ADAMTS3: variants seen among roughly 807,000 people sequenced by gnomAD.
ADAMTS3 encodes A disintegrin and metalloproteinase with thrombospondin motifs 3.
In ADAMTS3, 73 loss-of-function variants were observed where a neutral mutation model predicts 129.0. The observed-to-expected ratio is 0.57, with a 90% CI of 0.47 to 0.69. ADAMTS3 has a LOEUF of 0.69. Among genes scored for constraint, ADAMTS3 ranks in the 30% least tolerant of loss-of-function variants. ADAMTS3 has a pLI of 0.00. For missense variants in ADAMTS3, 1,457 were observed against 1,514.5 expected, an observed-to-expected ratio of 0.96 and a Z score of 0.63; for synonymous variants, 477 against 510.8, an observed-to-expected ratio of 0.93 and a Z score of 0.89.
At chr4:72,460,192 T>A (rs1578700657) in intron 3 of ADAMTS3, among the ~76,000 whole-genome samples, 1 of 151,604 alleles carries the variant, frequency 6.6e-6, no homozygotes, top group Admixed American at 6.6e-5. Context: ...GATTTGTTCA[T>A]TCTAAATAAG....
intron 3 of ADAMTS3, among the ~76,000 whole-genome samples, chr4:72,524,076 C>T (rs1720744329): frequency 6.6e-6 from 1 of 152,096 alleles, no homozygotes; most frequent in African/African-American, 2.4e-5. Context: ...TTTTGTTTAG[C>T]TCATATACTT....
At chr4:72,401,880 T>G (rs934898508) in intron 4 of ADAMTS3, among the ~76,000 whole-genome samples, 1 of 152,172 alleles carries the variant, frequency 6.6e-6, no homozygotes, top group Non-Finnish European at 1.5e-5. Flanking sequence ...ACTGATAGGT[T>G]AAGTAACTTG....
intron 5 of ADAMTS3, among the ~76,000 whole-genome samples, chr4:72,337,115 G>T (rs1048508955): frequency 1.3e-5 from 2 of 152,064 alleles, no homozygotes; most frequent in Non-Finnish European, 2.9e-5. Flanking sequence ...GGGGAGGAGT[G>T]TTATTCTTAC....
At chr4:72,407,655 G>A (rs1434550) in intron 4 of ADAMTS3, among the ~76,000 whole-genome samples, 96,093 of 151,880 alleles carry the variant, frequency 0.63, 30,920 homozygotes, top group South Asian at 0.79. Flanking sequence ...ACAGTCCTGT[G>A]AGAAAGAATG....
intron 3 of ADAMTS3, among the ~76,000 whole-genome samples, chr4:72,539,787 A>G (rs1483916697): frequency 1.3e-5 from 2 of 152,182 alleles, no homozygotes; most frequent in African/African-American, 4.8e-5. Context: ...GTTTGCCTGC[A>G]TAAGCTCTCT....
intron 21 of ADAMTS3, among the ~76,000 whole-genome samples, chr4:72,288,472 C>T (rs1718568472): frequency 6.6e-6 from 1 of 152,144 alleles, no homozygotes; most frequent in African/African-American, 2.4e-5. Context: ...CTATTAGCAA[C>T]ACAAATTGAT....
At chr4:72,549,210 C>T (rs1721548336) in intron 2 of ADAMTS3, among the ~76,000 whole-genome samples, 1 of 151,916 alleles carries the variant, frequency 6.6e-6, no homozygotes, top group Non-Finnish European at 1.5e-5. Context: ...CAAGGCATGC[C>T]CTTAATTAAT....
At chr4:72,363,403 T>G (rs2109857792) in intron 4 of ADAMTS3, among the ~76,000 whole-genome samples, 1 of 152,218 alleles carries the variant, frequency 6.6e-6, no homozygotes, top group African/African-American at 2.4e-5. Context: ...TACCATATGC[T>G]GGATAGGAAC....
chr4:72,380,418 A>T lies in ADAMTS3; in HGVS notation c.661+34397T>A, dbSNP rs574498758. Among the ~76,000 whole-genome samples the T allele has an allele frequency of 4.6e-5, 7 of 152,298 alleles. No individual in the cohort carries two copies. In the South Asian group the frequency reaches 1.4e-3, roughly 32 times the overall value. The stretch of plus-strand genomic sequence containing the variant: ...ACACTCCACTTTGGGCTAGTGCAGA[A>T]GATCGATGTATTTTAAAGAATAAGA... On this transcript the variant is annotated intron_variant, in intron 4 of 21. Transcript: ENST00000286657.
intron 3 of ADAMTS3, among the ~76,000 whole-genome samples, chr4:72,533,479 G>T (rs1223393573): frequency 6.6e-6 from 1 of 151,838 alleles, no homozygotes; most frequent in East Asian, 1.9e-4. Context: ...CTAAAGTAAT[G>T]ATTAAAAAGT....
At chr4:72,548,374 T>A (rs888269046) in intron 3 of ADAMTS3, 104 bp downstream of exon 3, 24 of 1,219,932 alleles carry the variant, frequency 2.0e-5, no homozygotes, top group Non-Finnish European at 2.5e-5. Flanking sequence ...AAATGTAACA[T>A]AACAATGAAG....
intron 4 of ADAMTS3, among the ~76,000 whole-genome samples, chr4:72,375,411 C>G (rs1027587539): frequency 2.6e-5 from 4 of 152,112 alleles, no homozygotes; most frequent in African/African-American, 9.7e-5. Flanking sequence ...AAAACAGGCT[C>G]CTGGCCCTTC....
At chr4:72,562,649 G>A (rs1470555203) in intron 2 of ADAMTS3, among the ~76,000 whole-genome samples, 1 of 152,162 alleles carries the variant, frequency 6.6e-6, no homozygotes, top group African/African-American at 2.4e-5. Context: ...TATAACAGCA[G>A]TTTGGGAACT....
intron 3 of ADAMTS3, among the ~76,000 whole-genome samples, chr4:72,518,285 G>A (rs972393874): frequency 6.6e-6 from 1 of 152,066 alleles, no homozygotes; most frequent in African/African-American, 2.4e-5. Context: ...AATAGGTGTG[G>A]TATGGTGCTG....
intron 5 of ADAMTS3, among the ~76,000 whole-genome samples, chr4:72,326,855 T>C (rs1031678207): frequency 6.6e-6 from 1 of 152,132 alleles, no homozygotes; most frequent in Non-Finnish European, 1.5e-5. Flanking sequence ...AAATTATCAA[T>C]AAAATTACTG....
At chr4:72,505,288 T>TC (rs1342953836) in intron 3 of ADAMTS3, among the ~76,000 whole-genome samples, 5 of 152,290 alleles carry the variant, frequency 3.3e-5, no homozygotes, top group Middle Eastern at 3.4e-3. Flanking sequence ...TTTACCCTCT[T>TC]CCCTAGAGTG....
At chr4:72,288,967 C>CACAA (rs1491059526) in intron 20 of ADAMTS3, 99 bp from the exon 21 acceptor site, 2 of 649,008 alleles carry the variant, frequency 3.1e-6, no homozygotes, top group Non-Finnish European at 5.4e-6. Flanking sequence ...CACACACACA[C>CACAA]AAAGACACAG....
chr4:72,556,823 A>G (rs1721780000), intron 2 of ADAMTS3, among the ~76,000 whole-genome samples: 1 of 151,842 alleles, frequency 6.6e-6, no homozygotes, highest in South Asian at 2.1e-4. Context: ...ATGAAAAGTG[A>G]GCTGTTATCA....
intron 3 of ADAMTS3, among the ~76,000 whole-genome samples, chr4:72,427,204 C>G (rs1722594744): frequency 6.6e-6 from 1 of 152,080 alleles, no homozygotes; most frequent in South Asian, 2.1e-4. Flanking sequence ...TCCACTCTTT[C>G]TCAACACCCC....
Sources: allele counts gnomAD v4.1 joint callset (sites outside exome capture counted in the v4.1 genomes callset), GRCh38; gene constraint gnomAD v4.1.1; transcripts MANE v1.5; gene names NCBI Gene and HGNC (gene_info 2026-07-23, HGNC 2026-07-21).